PPA2: variants seen among roughly 807,000 people sequenced by gnomAD.
PPA2 encodes the protein inorganic pyrophosphatase 2, also known as inorganic pyrophosphatase 2, mitochondrial.
A neutral mutation model predicts 49.5 loss-of-function variants in PPA2; 48 were observed. The ratio of observed to expected loss-of-function variants is 0.97; its 90% CI spans 0.77 to 1.23. The LOEUF (loss-of-function observed/expected upper bound fraction) is 1.23. Among genes scored for constraint, PPA2 ranks in the 50% most tolerant of loss-of-function variants. The probability of loss-of-function intolerance (pLI) is 0.00; values close to 1 mark genes in which losing one functional copy is unlikely to be tolerated. For missense variants in PPA2, 429 were observed against 410.1 expected, an observed-to-expected ratio of 1.05 and a Z score of -0.40; for synonymous variants, 131 against 139.9, an observed-to-expected ratio of 0.94 and a Z score of 0.45.
At chr4:105,370,753 TTTTTAG>T in intron 11 of PPA2, 78 bp downstream of exon 11, 3 of 1,268,520 alleles carry the variant, frequency 2.4e-6, no homozygotes, top group Non-Finnish European at 3.1e-6. Flanking sequence ...ATCTATTTTA[TTTTTAG>T]TTTTAGTTTT....
intron 6 of PPA2, among the ~76,000 whole-genome samples, chr4:105,426,016 T>C (rs964014808): frequency 6.6e-6 from 1 of 152,106 alleles, no homozygotes; most frequent in African/African-American, 2.4e-5. Flanking sequence ...ATAAAGACTT[T>C]GCAAAGGGGA....
At chr4:105,436,104 T>C (rs769492350) in intron 6 of PPA2, among the ~76,000 whole-genome samples, 1 of 152,072 alleles carries the variant, frequency 6.6e-6, no homozygotes, top group Non-Finnish European at 1.5e-5. Flanking sequence ...ACAACTTCGA[T>C]AAAGTTTAAG....
intron 7 of PPA2, among the ~76,000 whole-genome samples, chr4:105,418,021 A>C (rs1723089860): frequency 6.6e-6 from 1 of 152,230 alleles, no homozygotes; most frequent in African/African-American, 2.4e-5. Flanking sequence ...AAAAAAGAGA[A>C]TAACTTATCT....
chr4:105,414,922 C>T (rs2110256792), intron 7 of PPA2, among the ~76,000 whole-genome samples: 1 of 152,248 alleles, frequency 6.6e-6, no homozygotes, highest in Middle Eastern at 3.4e-3. Context: ...CTCCTATCCA[C>T]AGGTAGGTCA....
intron 10 of PPA2, among the ~76,000 whole-genome samples, chr4:105,377,938 C>A (rs1481666068): frequency 6.6e-6 from 1 of 152,086 alleles, no homozygotes; most frequent in Non-Finnish European, 1.5e-5. Flanking sequence ...CATTCATCTA[C>A]TGATGAACAT....
At chr4:105,444,536 CG>C (rs1724518564) in intron 5 of PPA2, among the ~76,000 whole-genome samples, 1 of 152,092 alleles carries the variant, frequency 6.6e-6, no homozygotes, top group African/African-American at 2.4e-5. Flanking sequence ...GAAGAACTAC[CG>C]TACCTGCCAG....
intron 1 of PPA2, among the ~76,000 whole-genome samples, chr4:105,461,384 T>C (rs1375631756): frequency 6.6e-6 from 1 of 152,326 alleles, no homozygotes; most frequent in Admixed American, 6.5e-5. Context: ...CTCCATAGAT[T>C]CGCCAGAACC....
rs764708913 is a variant in PPA2 at position 105,386,555 on chromosome 4, T to C, written c.939+12A>G. On this transcript the variant is annotated intron_variant, in intron 10 of 11. Coordinates refer to ENST00000341695, the MANE Select transcript of PPA2 (RefSeq NM_176869.3). ...ATAAGATTAAAGGATGTCTTGGATGTTTGCCCCTTACCGATTCAACTAATG... is the reference window on the plus strand; with the variant it reads ...ATAAGATTAAAGGATGTCTTGGATGCTTGCCCCTTACCGATTCAACTAATG... The C allele has an allele frequency of 1.2e-6, 2 of 1,603,818 alleles. No homozygotes were observed. The highest frequency in any genetic ancestry group is 2.2e-5 in the South Asian group (2 of 90,810).
upstream of PPA2, chr4:105,474,066 C>G: frequency 6.5e-7 from 1 of 1,537,412 alleles, no homozygotes; most frequent in Middle Eastern, 1.9e-4. Flanking sequence ...CAATGACGGT[C>G]CTGCTGTGCG....
chr4:105,466,794 G>A (rs1227254954), intron 1 of PPA2, among the ~76,000 whole-genome samples: 1 of 152,196 alleles, frequency 6.6e-6, no homozygotes, highest in Non-Finnish European at 1.5e-5. Context: ...GGGGCAGGCT[G>A]TCTGCACACA....
At chr4:105,468,765 C>T (rs1723407977) in intron 1 of PPA2, among the ~76,000 whole-genome samples, 2 of 152,188 alleles carry the variant, frequency 1.3e-5, no homozygotes, top group African/African-American at 4.8e-5. Flanking sequence ...GCTCTTCATT[C>T]ACTTTTACAG....
At chr4:105,380,560 T>G (rs1371784253) in intron 10 of PPA2, among the ~76,000 whole-genome samples, 2 of 152,262 alleles carry the variant, frequency 1.3e-5, no homozygotes, top group Non-Finnish European at 2.9e-5. Flanking sequence ...ACTCTCTAGA[T>G]TTAGAAGAGT....
chr4:105,386,984 G>A (rs188328916), intron 9 of PPA2, among the ~76,000 whole-genome samples: 4 of 152,234 alleles, frequency 2.6e-5, no homozygotes. Context: ...CACACAATGG[G>A]ACCTAGGATA....
intron 1 of PPA2, among the ~76,000 whole-genome samples, chr4:105,464,325 G>A (rs1446818409): frequency 6.6e-6 from 1 of 152,212 alleles, no homozygotes; most frequent in Non-Finnish European, 1.5e-5. Context: ...CATTTGGAAT[G>A]TTTTATTTAC....
Position 105,380,500 on chromosome 4 carries a change from G to A in PPA2, c.939+6067C>T, listed in dbSNP as rs143896898. 9.9e-4 allele frequency among the ~76,000 whole-genome samples: 150 copies of A among 151,930 alleles called. 1 individual carries two copies. The highest frequency in any genetic ancestry group is 3.4e-3 in the African/African-American group (140 of 41,426). Reference sequence around the variant, plus strand: ...TGGGCATATAAATTTTTTAAATCACGAAGTACTTCAAACATATTCTGTATG... The same window carrying A: ...TGGGCATATAAATTTTTTAAATCACAAAGTACTTCAAACATATTCTGTATG... On this transcript the variant is annotated intron_variant, in intron 10 of 11. Transcript: ENST00000341695.
chr4:105,379,632 T>TTA (rs1242230552), intron 10 of PPA2, among the ~76,000 whole-genome samples: 1 of 54,456 alleles, frequency 1.8e-5, no homozygotes, highest in African/African-American at 3.9e-5. Flanking sequence ...CCTGGCTAAT[T>TTA]TTTTTTTTTT....
chr4:105,422,155 C>T (rs1343722898), intron 7 of PPA2, among the ~76,000 whole-genome samples: 1 of 152,150 alleles, frequency 6.6e-6, no homozygotes, highest in Admixed American at 6.5e-5. Flanking sequence ...TTTTCATTTT[C>T]CCCATACACT....
chr4:105,400,037 C>G (rs1441938872), intron 7 of PPA2, among the ~76,000 whole-genome samples: 1 of 152,132 alleles, frequency 6.6e-6, no homozygotes, highest in Non-Finnish European at 1.5e-5. Context: ...AGCAGATCCA[C>G]TGTCTTGATA....
At chr4:105,419,976 GTTTT>G (rs1723182225) in intron 7 of PPA2, among the ~76,000 whole-genome samples, 1 of 149,026 alleles carries the variant, frequency 6.7e-6, no homozygotes, top group Non-Finnish European at 1.5e-5. Flanking sequence ...TCGTTTGTTT[GTTTT>G]TTGTTTTTTG....
Sources: allele counts gnomAD v4.1 joint callset (sites outside exome capture counted in the v4.1 genomes callset), GRCh38; gene constraint gnomAD v4.1.1; transcripts MANE v1.5; gene names NCBI Gene and HGNC (gene_info 2026-07-23, HGNC 2026-07-21).